Variants in NEK10 observed in about 807,000 individuals in gnomAD.
The protein encoded by NEK10 is serine/threonine-protein kinase Nek10.
NEK10 carries 122 observed loss-of-function variants against 159.8 expected under a neutral mutation model. The ratio of observed to expected loss-of-function variants is 0.76; its 90% CI spans 0.66 to 0.89. NEK10 has a LOEUF of 0.89. Among genes scored for constraint, NEK10 ranks in the 40% least tolerant of loss-of-function variants. NEK10 has a pLI of 0.00. For synonymous variants in NEK10, 466 were observed against 457.1 expected (o/e 1.02, Z -0.25); for missense variants, 1,342 against 1,323.1 (o/e 1.01, Z -0.22).
intron 30 of NEK10, among the ~76,000 whole-genome samples, chr3:27,147,504 G>C (rs1030749862): frequency 6.6e-6 from 1 of 152,238 alleles, no homozygotes; most frequent in Non-Finnish European, 1.5e-5. Context: ...TCACCTCTGG[G>C]TGATCAGGCA....
intron 33 of NEK10, among the ~76,000 whole-genome samples, chr3:27,117,741 T>C (rs749139646): frequency 6.6e-6 from 1 of 152,216 alleles, no homozygotes; most frequent in Non-Finnish European, 1.5e-5. Context: ...GTCGGATAGA[T>C]AGATTGCAAA....
rs142074606 is a variant in NEK10, at chr3:27,192,068, G to A, written c.2466C>T (p.Asn822=). The change falls in exon 26 of 36, where the codon AAC becomes AAT. Residue 822 remains asparagine (N), a synonymous_variant. Transcript: ENST00000691995. Reference sequence around the variant, plus strand: ...CCAGCTCATGGTGACATGTGACGGTGTTCCGGTTGGCTTCCATAAAATACC... The same window carrying A: ...CCAGCTCATGGTGACATGTGACGGTATTCCGGTTGGCTTCCATAAAATACC... The part of the protein sequence containing the change: ...TQRYFMEANR[N]TVTCHHELAV... 17 of 1,614,192 alleles carry A rather than the reference G, an allele frequency of 1.1e-5. No homozygotes were observed. In the African/African-American group the frequency reaches 1.7e-4, roughly 16 times the overall value.
intron 30 of NEK10, among the ~76,000 whole-genome samples, chr3:27,146,656 G>A (rs1169862092): frequency 6.6e-6 from 1 of 152,184 alleles, no homozygotes; most frequent in Non-Finnish European, 1.5e-5. Context: ...TCCCTGGTTA[G>A]ATGAAGAATC....
chr3:27,343,555 G>C (rs2047349569), intron 5 of NEK10, among the ~76,000 whole-genome samples: 1 of 152,162 alleles, frequency 6.6e-6, no homozygotes, highest in Non-Finnish European at 1.5e-5. Flanking sequence ...TGCGCCTCCT[G>C]AAAAGAGCAA....
intron 23 of NEK10, among the ~76,000 whole-genome samples, chr3:27,237,153 C>T (rs953494022): frequency 6.6e-6 from 1 of 152,186 alleles, no homozygotes. Context: ...TCTATTCTGC[C>T]TGACCCCGCA....
chr3:27,325,013 T>TTCTCCATGATATGAGGCCAG (rs1411395459), intron 5 of NEK10, among the ~76,000 whole-genome samples: 1 of 152,190 alleles, frequency 6.6e-6, no homozygotes, highest in Non-Finnish European at 1.5e-5. Context: ...TTGAAAGATG[T>TTCTCCATGATATGAGGCCAG]TCTCCATGAT....
intron 6 of NEK10, among the ~76,000 whole-genome samples, chr3:27,315,365 T>C (rs1033605882): frequency 6.6e-6 from 1 of 152,130 alleles, no homozygotes; most frequent in African/African-American, 2.4e-5. Context: ...GGTCAAGGTT[T>C]CCATACTCTG....
At chr3:27,245,780 T>A (rs1220739265) in intron 23 of NEK10, among the ~76,000 whole-genome samples, 1 of 152,206 alleles carries the variant, frequency 6.6e-6, no homozygotes, top group African/African-American at 2.4e-5. Flanking sequence ...AATTAATTTG[T>A]GGTAAATACA....
intron 23 of NEK10, among the ~76,000 whole-genome samples, chr3:27,244,836 T>C (rs950822648): frequency 3.3e-5 from 5 of 152,140 alleles, no homozygotes; most frequent in Non-Finnish European, 5.9e-5. Context: ...CCGCAGATGC[T>C]GATGCCTTGC....
intron 22 of NEK10, among the ~76,000 whole-genome samples, chr3:27,267,346 A>G (rs763779417): frequency 1.3e-4 from 20 of 152,076 alleles, no homozygotes; most frequent in Non-Finnish European, 2.5e-4. Flanking sequence ...TTATATATGT[A>G]TACCTCATTT....
intron 22 of NEK10, among the ~76,000 whole-genome samples, chr3:27,269,014 C>G (rs771208087): frequency 1.3e-5 from 2 of 152,172 alleles, no homozygotes; most frequent in African/African-American, 2.4e-5. Flanking sequence ...AAACTCACTG[C>G]AGATGTGGTG....
At chr3:27,111,491 G>A (rs1939527178) in intron 35 of NEK10, among the ~76,000 whole-genome samples, 171 bp from the exon 36 acceptor site, 1 of 152,188 alleles carries the variant, frequency 6.6e-6, no homozygotes, top group Admixed American at 6.5e-5. Context: ...TTTGGCTGAA[G>A]TCTGGTGCTA....
Position 27,126,820 on chromosome 3 carries a change from G to A in NEK10, c.3081+5060C>T, listed in dbSNP as rs116685400. On this transcript the variant is annotated intron_variant, in intron 32 of 35. Coordinates refer to ENST00000691995, the MANE Select transcript of NEK10 (RefSeq NM_001394966.1). Reference sequence around the variant, plus strand: ...TAGACAGCCAACTAGCCCCTATTGTGTCTTAGTGCAAATTAGAAAAAGTCA... The same window carrying A: ...TAGACAGCCAACTAGCCCCTATTGTATCTTAGTGCAAATTAGAAAAAGTCA... Among the ~76,000 whole-genome samples the A allele has an allele frequency of 4.9e-4, 75 of 151,774 alleles. 1 individual carries two copies. Among genetic ancestry groups the A allele is most frequent in the African/African-American group, 1.7e-3 (70 of 41,428 alleles).
intron 23 of NEK10, among the ~76,000 whole-genome samples, chr3:27,221,354 T>G (rs1367977883): frequency 2.6e-5 from 4 of 152,198 alleles, no homozygotes; most frequent in African/African-American, 9.6e-5. Flanking sequence ...AAAACAAAGT[T>G]GTTAAACTTC....
At chr3:27,154,925 A>G (rs750743209) in intron 30 of NEK10, among the ~76,000 whole-genome samples, 61 of 152,202 alleles carry the variant, frequency 4.0e-4, no homozygotes, top group African/African-American at 1.2e-3. Flanking sequence ...ACTCTTCAAC[A>G]TAGTACTGGA....
In NEK10 at chr3:27,314,278, A is replaced by G; in HGVS notation, c.489+19T>C. 1 of 1,583,268 alleles carries G rather than the reference A, an allele frequency of 6.3e-7. No individual in the cohort carries two copies. The highest frequency in any genetic ancestry group is 8.6e-7 in the Non-Finnish European group (1 of 1,157,552). On this transcript the variant is annotated intron_variant, in intron 7 of 35. Transcript: ENST00000691995. ...ACAAAATGAAAAGGCAAGACCAGCC[A>G]CCACAAAAGGAATCTTACCTGAGCT... is the stretch of plus-strand genomic sequence containing the variant.
chr3:27,222,644 G>T (rs1480703037), intron 23 of NEK10, among the ~76,000 whole-genome samples: 3 of 152,054 alleles, frequency 2.0e-5, no homozygotes, highest in African/African-American at 7.2e-5. Context: ...AATAATACAT[G>T]TGTTTCACAA....
intron 9 of NEK10, 68 bp from the exon 10 acceptor site, chr3:27,309,073 T>G (rs1420222779): frequency 1.3e-6 from 1 of 776,768 alleles, no homozygotes; most frequent in Non-Finnish European, 2.2e-6. Flanking sequence ...AACATTAACA[T>G]TAATTTATTT....
chr3:27,212,499 A>G (rs1187358328), intron 23 of NEK10, among the ~76,000 whole-genome samples: 1 of 152,170 alleles, frequency 6.6e-6, no homozygotes, highest in Admixed American at 6.5e-5. Flanking sequence ...CCTCACAACC[A>G]ATTTCACTCT....
Sources: gnomAD v4.1 joint callset for allele counts (sites outside exome capture counted in the v4.1 genomes callset) on GRCh38, gnomAD v4.1.1 for gene constraint, MANE v1.5 for transcripts, NCBI Gene and HGNC (gene_info 2026-07-23, HGNC 2026-07-21) for gene names.